Variants in HERC3 observed in about 807,000 individuals in gnomAD.
HERC3 encodes probable E3 ubiquitin-protein ligase HERC3.
In HERC3, 58 loss-of-function variants were observed where a neutral mutation model predicts 129.9. That is an observed-to-expected ratio of 0.45 (90% CI 0.36 to 0.56). The LOEUF is 0.56. Among genes scored for constraint, HERC3 ranks in the 20% least tolerant of loss-of-function variants. The probability of loss-of-function intolerance (pLI) is 0.00; values close to 1 mark genes in which losing one functional copy is unlikely to be tolerated. For missense variants in HERC3, 835 were observed against 1,244.2 expected (o/e 0.67, Z 4.95); for synonymous variants, 430 against 451.0 (o/e 0.95, Z 0.59).
At chr4:88,665,241 G>GC (rs947464169) in intron 12 of HERC3, among the ~76,000 whole-genome samples, 3 of 152,296 alleles carry the variant, frequency 2.0e-5, no homozygotes, top group African/African-American at 7.2e-5. Flanking sequence ...GAGAGATCCT[G>GC]CCATAGGCAT....
At chr4:88,590,623 T>C (rs902313220), upstream of HERC3, among the ~76,000 whole-genome samples, 1 of 152,136 alleles carries the variant, frequency 6.6e-6, no homozygotes, top group Non-Finnish European at 1.5e-5. Flanking sequence ...GCCAGACATA[T>C]CAACCCAAAC....
Position 88,707,149 on chromosome 4 carries a change from T to G in HERC3, c.*189T>G, listed in dbSNP as rs1221640370. 1 of 594,828 alleles carries G rather than the reference T, an allele frequency of 1.7e-6. No homozygotes were observed. Among genetic ancestry groups the G allele is most frequent in the African/African-American group, 1.9e-5 (1 of 53,638 alleles). The allele number at this position is 594,828 out of a possible 1,614,324, so 36.8% of individuals were successfully genotyped here. ...ACAACCTTTTTGAAAAATTAGAGGT[T>G]GGGGATGGGGTGAAAAATTGGCCCT... On this transcript the variant is annotated 3_prime_UTR_variant, in exon 26 of 26. Transcript: ENST00000402738.
upstream of HERC3, among the ~76,000 whole-genome samples, chr4:88,590,376 T>C (rs1018489717): frequency 4.6e-5 from 7 of 152,014 alleles, no homozygotes; most frequent in African/African-American, 1.7e-4. Context: ...CTGGCTAACA[T>C]GGTGAAACCC....
the HERC3 span, among the ~76,000 whole-genome samples, chr4:88,526,025 T>C: frequency 6.6e-6 from 1 of 152,202 alleles, no homozygotes; most frequent in African/African-American, 2.4e-5. Flanking sequence ...TTCTCACTTG[T>C]GAAATACAAT....
chr4:88,579,232 A>AATATATATATAT, the HERC3 span, among the ~76,000 whole-genome samples: 6 of 104,094 alleles, frequency 5.8e-5, no homozygotes, highest in African/African-American at 3.1e-4. Context: ...AAAAAAAAAA[A>AATATATATATAT]ATATATATAT....
At chr4:88,704,058 A>G in intron 23 of HERC3, 40 bp from the exon 24 acceptor site, 1 of 1,575,820 alleles carries the variant, frequency 6.3e-7, no homozygotes. Context: ...AAGCTTTACA[A>G]GACTTTGAGC....
At chr4:88,549,523 A>T in the HERC3 span, among the ~76,000 whole-genome samples, 1 of 151,740 alleles carries the variant, frequency 6.6e-6, no homozygotes, top group African/African-American at 2.4e-5. Flanking sequence ...GTCCATGTGA[A>T]CTCATTGTTT....
At chr4:88,539,874 CAG>C in the HERC3 span, among the ~76,000 whole-genome samples, 1 of 152,128 alleles carries the variant, frequency 6.6e-6, no homozygotes, top group Non-Finnish European at 1.5e-5. Flanking sequence ...AACTAACAAA[CAG>C]AAAGGAATAG....
intron 3 of HERC3, among the ~76,000 whole-genome samples, chr4:88,611,259 C>G (rs1300570712): frequency 2.0e-5 from 3 of 152,170 alleles, no homozygotes. Flanking sequence ...TGTTCTAAAT[C>G]TGGATATGAT....
the HERC3 span, among the ~76,000 whole-genome samples, chr4:88,530,517 C>G: frequency 6.6e-6 from 1 of 152,076 alleles, no homozygotes; most frequent in Non-Finnish European, 1.5e-5. Context: ...GTCTTATAGC[C>G]GTAAGAAATT....
chr4:88,605,914 A>G lies in HERC3; in HGVS notation c.91A>G (p.Ile31Val), dbSNP rs144345113. 81 of 1,614,110 alleles carry G rather than the reference A, an allele frequency of 5.0e-5. No individual in the cohort carries two copies. The highest frequency in any genetic ancestry group is 1.7e-4 in the Admixed American group (10 of 60,006). ...GGCTGAGCCCCAGGTGTGTGGGTTCATATCTGACAGAAGTGTCAAGGAAGT... is the reference window on the plus strand; with the variant it reads ...GGCTGAGCCCCAGGTGTGTGGGTTCGTATCTGACAGAAGTGTCAAGGAAGT... Reference protein sequence around the residue: ...IVAEPQVCGFISDRSVKEVAC... With the variant: ...IVAEPQVCGFVSDRSVKEVAC... The change falls in exon 3 of 26, where the codon ATA becomes GTA. Residue 31 changes from isoleucine to valine, a missense_variant. Ile to Val is a conservative substitution (Grantham distance 29). Transcript: ENST00000402738.
chr4:88,671,105 C>T (rs112269026), intron 16 of HERC3, among the ~76,000 whole-genome samples: 47 of 152,180 alleles, frequency 3.1e-4, no homozygotes, highest in South Asian at 1.5e-3. Context: ...CCACCTCTGG[C>T]GTGGCAGGAA....
At chr4:88,570,394 C>T in the HERC3 span, among the ~76,000 whole-genome samples, 60 of 152,250 alleles carry the variant, frequency 3.9e-4, no homozygotes, top group Non-Finnish European at 7.1e-4. Context: ...CAGAGGTTTA[C>T]TATCTTATAC....
Position 88,706,971 on chromosome 4 carries a change from C to T in HERC3, c.*11C>T, listed in dbSNP as rs772704121. On this transcript the variant is annotated 3_prime_UTR_variant, in exon 26 of 26. Coordinates refer to ENST00000402738, the MANE Select transcript of HERC3 (RefSeq NM_014606.3). Reference sequence around the variant, plus strand: ...TTTAGTTTGGCCTGAGGCTTCTCAGCTTGTCCAGTATTTCCCTTCGTTCCT... The same window carrying T: ...TTTAGTTTGGCCTGAGGCTTCTCAGTTTGTCCAGTATTTCCCTTCGTTCCT... 6.2e-7 allele frequency: 1 copy of T among 1,606,020 alleles called. No homozygotes were observed. The highest frequency in any genetic ancestry group is 1.3e-5 in the African/African-American group (1 of 74,778).
intron 2 of HERC3, among the ~76,000 whole-genome samples, chr4:88,605,330 T>C (rs569475225): frequency 6.6e-6 from 1 of 152,258 alleles, no homozygotes; most frequent in East Asian, 1.9e-4. Context: ...TACTAACCAA[T>C]CTAATATTAG....
chr4:88,691,145 C>T (rs752030026), intron 23 of HERC3, among the ~76,000 whole-genome samples: 5 of 152,116 alleles, frequency 3.3e-5, no homozygotes, highest in South Asian at 2.1e-4. Context: ...TCTGAGTTGT[C>T]GTTTCAGACA....
At chr4:88,675,554 G>A (rs1186355811) in intron 16 of HERC3, among the ~76,000 whole-genome samples, 5 of 151,588 alleles carry the variant, frequency 3.3e-5, no homozygotes, top group East Asian at 1.9e-4. Flanking sequence ...TGTTTGTTAC[G>A]TAACTTAACA....
intron 3 of HERC3, among the ~76,000 whole-genome samples, chr4:88,607,502 C>T (rs752723311): frequency 2.6e-5 from 4 of 151,950 alleles, no homozygotes; most frequent in Non-Finnish European, 5.9e-5. Flanking sequence ...CTGGCTCTGT[C>T]GCCCAGGCTG....
chr4:88,703,756 CTTA>C, intron 23 of HERC3, among the ~76,000 whole-genome samples: 1 of 152,230 alleles, frequency 6.6e-6, no homozygotes, highest in South Asian at 2.1e-4. Context: ...CAGAAAAGGT[CTTA>C]TTATTTTTTC....
Sources: allele counts gnomAD v4.1 joint callset (sites outside exome capture counted in the v4.1 genomes callset), GRCh38; gene constraint gnomAD v4.1.1; transcripts MANE v1.5; gene names NCBI Gene and HGNC (gene_info 2026-07-23, HGNC 2026-07-21).